APOOL: variants seen among roughly 807,000 people sequenced by gnomAD.
APOOL encodes the protein MICOS complex subunit MIC27.
In APOOL, 12 loss-of-function variants were observed where a neutral mutation model predicts 23.1. The ratio of observed to expected loss-of-function variants is 0.52; its 90% CI spans 0.33 to 0.84. The LOEUF is 0.84. APOOL is among the 40% of genes least tolerant of loss of function. APOOL has a pLI of 0.02. For missense variants in APOOL, 212 were observed against 199.6 expected (o/e 1.06, Z -0.37); for synonymous variants, 77 against 69.9 (o/e 1.10, Z -0.51).
chrX:85,070,504 C>T lies in APOOL; in HGVS notation c.486+3286C>T, dbSNP rs182791854. 4.0e-3 allele frequency among the ~76,000 whole-genome samples: 450 copies of T among 111,353 alleles called. 2 individuals are homozygous for T. Among genetic ancestry groups the T allele is most frequent in the African/African-American group, 0.014 (431 of 30,726 alleles). On this transcript the variant is annotated intron_variant, in intron 6 of 8. Coordinates refer to ENST00000373173, the MANE Select transcript of APOOL (RefSeq NM_198450.6). ...ATAGACTTACCAAATAATGTTTTAA[C>T]GCCTGTTTAAAAGAAAAATAAACTA... is the stretch of plus-strand genomic sequence containing the variant.
At position 85,091,509 on chromosome X, in the gene APOOL, A is replaced by G. The variant is rs888985668; in HGVS notation, c.*3831A>G. 1 of 112,224 alleles carries G rather than the reference A, an allele frequency of 8.9e-6. No individual in the cohort carries two copies. Among genetic ancestry groups the G allele is most frequent in the Admixed American group, 9.4e-5 (1 of 10,607 alleles). 9.2% of individuals were successfully genotyped at this position (112,224 alleles called of 1,213,427 possible). On this transcript the variant is annotated 3_prime_UTR_variant, in exon 9 of 9. Coordinates refer to ENST00000373173, the MANE Select transcript of APOOL (RefSeq NM_198450.6). ...ACTGAATAATTTTTGTGTAGTTTCT[A>G]TGCCCATGAAGTGCCTGGTAGGTAG...
chrX:85,077,306 G>A (rs1923896249), intron 8 of APOOL, among the ~76,000 whole-genome samples: 1 of 106,181 alleles, frequency 9.4e-6, no homozygotes, highest in South Asian at 4.3e-4. Flanking sequence ...CCCACCCTGT[G>A]TACAAGTGTT....
At position 85,084,246 on chromosome X, in the gene APOOL, C is replaced by A. The variant is rs778729927; in HGVS notation, c.719-3344C>A. ...TGCCTCCCGGGTTCAAGCGATTCTC[C>A]TGTCTCAGCCTCCCAAGTAACTGAG... is the stretch of plus-strand genomic sequence containing the variant. On this transcript the variant is annotated intron_variant, in intron 8 of 8. Transcript: ENST00000373173. Among the ~76,000 whole-genome samples the A allele has an allele frequency of 1.0e-4, 11 of 106,797 alleles. 1 individual carries two copies. In the South Asian group the frequency reaches 2.6e-3, roughly 25 times the overall value. 92.7% of individuals were successfully genotyped at this position (106,797 alleles called of 115,157 possible).
chrX:85,051,530 T>G (rs1922780938), intron 3 of APOOL, 22 bp downstream of exon 3: 2 of 1,209,183 alleles, frequency 1.7e-6, no homozygotes, highest in Non-Finnish European at 2.2e-6. Context: ...CTGATAGTGG[T>G]TTAATATCAG....
intron 1 of APOOL, among the ~76,000 whole-genome samples, chrX:85,027,322 C>G (rs1277609710): frequency 9.0e-6 from 1 of 111,021 alleles, no homozygotes; most frequent in African/African-American, 3.3e-5. Context: ...GACCCAAACA[C>G]CTCCCACTGC....
chrX:85,022,834 C>G (rs1921716599), intron 1 of APOOL, among the ~76,000 whole-genome samples: 1 of 111,808 alleles, frequency 8.9e-6, no homozygotes, highest in African/African-American at 3.3e-5. Flanking sequence ...TATTTTTCCC[C>G]AAACCTCATA....
At chrX:85,055,662 G>GT (rs1396366836) in intron 4 of APOOL, among the ~76,000 whole-genome samples, 165 bp from the exon 5 acceptor site, 10 of 111,573 alleles carry the variant, frequency 9.0e-5, no homozygotes, top group Non-Finnish European at 1.5e-4. Context: ...AATATATCTA[G>GT]TTTTTTAGCT....
chrX:85,083,511 A>G (rs1924185682), intron 8 of APOOL, among the ~76,000 whole-genome samples: 1 of 111,743 alleles, frequency 8.9e-6, no homozygotes, highest in Admixed American at 9.6e-5. Flanking sequence ...CAGAAAGCAC[A>G]GAATTAATGA....
rs182629060 is a variant in APOOL, at chrX:85,051,404, G to A, written c.136G>A (p.Ala46Thr). The part of the protein sequence containing the change: ...VKPEQLPIYT[A>T]PPLQSKYVEE... Reference sequence around the variant, plus strand: ...TTGCCTGTAGCTCCCCATATATACTGCACCACCGCTCCAGTCTAAATATGT... The same window carrying A: ...TTGCCTGTAGCTCCCCATATATACTACACCACCGCTCCAGTCTAAATATGT... The change falls in exon 3 of 9, where the codon GCA becomes ACA. Residue 46 changes from alanine (A) to threonine (T), a missense_variant. By Grantham distance (58) the Ala-to-Thr change is moderately conservative (BLOSUM62 0). Transcript: ENST00000373173. 1 of 1,209,625 alleles carries A rather than the reference G, an allele frequency of 8.3e-7. No individual in the cohort carries two copies. Among genetic ancestry groups the A allele is most frequent in the Non-Finnish European group, 1.1e-6 (1 of 894,768 alleles).
At chrX:85,039,241 T>G (rs1922329610) in intron 1 of APOOL, among the ~76,000 whole-genome samples, 1 of 111,393 alleles carries the variant, frequency 9.0e-6, no homozygotes, top group South Asian at 3.8e-4. Flanking sequence ...GACTTTTTTT[T>G]TTTTAATTGC....
chrX:85,030,670 C>A (rs1922008617), intron 1 of APOOL, among the ~76,000 whole-genome samples: 1 of 111,666 alleles, frequency 9.0e-6, no homozygotes, highest in African/African-American at 3.3e-5. Flanking sequence ...AAGCCAAATA[C>A]CCTCTGTTCT....
chrX:85,027,519 C>T (rs190744139), intron 1 of APOOL, among the ~76,000 whole-genome samples: 5 of 111,615 alleles, frequency 4.5e-5, no homozygotes, highest in African/African-American at 1.6e-4. Context: ...TGTTTGGTGG[C>T]TTTCCTGGAC....
chrX:85,052,045 T>C (rs757145377), intron 3 of APOOL, among the ~76,000 whole-genome samples: 5 of 111,885 alleles, frequency 4.5e-5, no homozygotes, highest in African/African-American at 1.6e-4. Flanking sequence ...GGAAGGGAAT[T>C]AGATGCCAAC....
intron 1 of APOOL, among the ~76,000 whole-genome samples, chrX:85,020,075 A>G (rs767737800): frequency 9.0e-6 from 1 of 111,725 alleles, no homozygotes; most frequent in African/African-American, 3.3e-5. Flanking sequence ...TTCAAGACCT[A>G]TGGGTGGGGT....
chrX:85,056,663 A>C (rs752024244), intron 5 of APOOL, among the ~76,000 whole-genome samples: 26 of 111,324 alleles, frequency 2.3e-4, no homozygotes, highest in Non-Finnish European at 4.3e-4. Flanking sequence ...GAATCACTTG[A>C]ACCCGGGAGG....
intron 5 of APOOL, among the ~76,000 whole-genome samples, chrX:85,065,828 G>A (rs1486355564): frequency 9.0e-6 from 1 of 111,106 alleles, no homozygotes; most frequent in African/African-American, 3.3e-5. Flanking sequence ...AAATTTAACT[G>A]TAGATAATGG....
At chrX:85,022,289 A>G (rs185788755) in intron 1 of APOOL, among the ~76,000 whole-genome samples, 3 of 112,459 alleles carry the variant, frequency 2.7e-5, no homozygotes. Flanking sequence ...ACAAGAAAAG[A>G]AAATTACAGG....
At chrX:85,073,851 T>C (rs945406499) in intron 6 of APOOL, 147 bp from the exon 7 acceptor site, 1 of 394,033 alleles carries the variant, frequency 2.5e-6, no homozygotes, top group Non-Finnish European at 4.2e-6. Context: ...ATTTTAGAAA[T>C]GGTGCTTTGT....
At chrX:85,086,081 G>C (rs1924280424) in intron 8 of APOOL, among the ~76,000 whole-genome samples, 1 of 112,143 alleles carries the variant, frequency 8.9e-6, no homozygotes, top group African/African-American at 3.2e-5. Context: ...ACTTGCTGGG[G>C]ACACAGGAAG....
Sources: gnomAD v4.1 joint callset for allele counts (sites outside exome capture counted in the v4.1 genomes callset) on GRCh38, gnomAD v4.1.1 for gene constraint, MANE v1.5 for transcripts, NCBI Gene and HGNC (gene_info 2026-07-23, HGNC 2026-07-21) for gene names.